Variants in SLC35A1 observed in about 807,000 individuals in gnomAD.
The protein encoded by SLC35A1 is CMP-sialic acid transporter.
SLC35A1 carries 21 observed loss-of-function variants against 40.3 expected under a neutral mutation model. That is an observed-to-expected ratio of 0.52 (90% CI 0.37 to 0.75). The LOEUF (loss-of-function observed/expected upper bound fraction) is 0.75. SLC35A1 is among the 30% of genes least tolerant of loss of function. SLC35A1 has a pLI of 0.00. For missense variants in SLC35A1, 297 were observed against 382.1 expected (o/e 0.78, Z 1.86); for synonymous variants, 146 against 147.3 (o/e 0.99, Z 0.06).
rs1582198765 is a variant in SLC35A1, at chr6:87,509,868, G to A, written c.886+693G>A. ...TAACATTTCAGGGTGCTTTTATAGT[G>A]TAATAATTTTCTTTACTGATCAATT... On this transcript the variant is annotated intron_variant, in intron 7 of 7. Coordinates refer to ENST00000369552, the MANE Select transcript of SLC35A1 (RefSeq NM_006416.5). Among the ~76,000 whole-genome samples the A allele has an allele frequency of 3.9e-5, 6 of 152,184 alleles. No homozygotes were observed. In the Middle Eastern group the frequency reaches 0.014, roughly 345 times the overall value.
rs549566985 is a variant in SLC35A1, at chr6:87,507,616, T to C, written c.575-804T>C. On this transcript the variant is annotated intron_variant, in intron 5 of 7. Transcript: ENST00000369552. Reference sequence around the variant, plus strand: ...CATCAAAAATAATCTTGTTTTTCGTTAGACTTTTTAGTTGATAAGTACTTC... The same window carrying C: ...CATCAAAAATAATCTTGTTTTTCGTCAGACTTTTTAGTTGATAAGTACTTC... Among the ~76,000 whole-genome samples the C allele has an allele frequency of 1.4e-4, 22 of 152,286 alleles. No individual in the cohort carries two copies. In the South Asian group the frequency reaches 3.7e-3, roughly 26 times the overall value.
rs184000337 is a variant in SLC35A1 at position 87,509,144 on chromosome 6, T to G, written c.855T>G (p.Ile285Met). 2.8e-5 allele frequency: 45 copies of G among 1,614,180 alleles called. No homozygotes were observed. Among genetic ancestry groups the G allele is most frequent in the Middle Eastern group, 3.3e-4 (2 of 6,062 alleles). The change falls in exon 7 of 8, where the codon ATT becomes ATG. Residue 285 changes from isoleucine (I) to methionine (M), a missense_variant. Coordinates refer to ENST00000369552, the MANE Select transcript of SLC35A1 (RefSeq NM_006416.5). ...CAGCGGCCATTGTCCTTTCCACCAT[T>G]GCTTCAGTAATGCTGTTTGGATTAC... ...SAAAAIVLST[I>M]ASVMLFGLQI...
chr6:87,505,517 CTT>C (rs1053623514), intron 4 of SLC35A1, among the ~76,000 whole-genome samples: 1 of 152,156 alleles, frequency 6.6e-6, no homozygotes, highest in Non-Finnish European at 1.5e-5. Context: ...TAGTATGTAT[CTT>C]AGTCCATTTT....
chr6:87,504,434 A>G (rs1397303596), intron 4 of SLC35A1, among the ~76,000 whole-genome samples: 1 of 152,186 alleles, frequency 6.6e-6, no homozygotes, highest in Admixed American at 6.5e-5. Flanking sequence ...AATTCAGTGA[A>G]GATGCCCTTA....
chr6:87,481,622 G>A (rs1769247822), intron 2 of SLC35A1, among the ~76,000 whole-genome samples: 1 of 152,020 alleles, frequency 6.6e-6, no homozygotes, highest in African/African-American at 2.4e-5. Flanking sequence ...TTATATTAGT[G>A]TATTATTAAT....
At chr6:87,499,273 T>C (rs1454377335) in intron 2 of SLC35A1, 1 of 201,334 alleles carries the variant, frequency 5.0e-6, no homozygotes, top group East Asian at 1.8e-4. Context: ...TTGATTCTAA[T>C]ATATTAACCA....
At chr6:87,500,775 T>A in intron 3 of SLC35A1, 108 bp downstream of exon 3, 2 of 1,048,320 alleles carry the variant, frequency 1.9e-6, no homozygotes, top group Non-Finnish European at 2.8e-6. Context: ...TGAGATGGAG[T>A]CTCGCTCTTT....
chr6:87,473,057 G>C, intron 1 of SLC35A1, 38 bp downstream of exon 1: 1 of 505,004 alleles, frequency 2.0e-6, no homozygotes, highest in Non-Finnish European at 3.3e-6. Flanking sequence ...GAGTCCGCGG[G>C]GGGCGGCGGC....
At chr6:87,480,071 C>T (rs1414598100) in intron 2 of SLC35A1, among the ~76,000 whole-genome samples, 3 of 152,212 alleles carry the variant, frequency 2.0e-5, no homozygotes, top group Non-Finnish European at 2.9e-5. Flanking sequence ...CACCATACAT[C>T]CGCTCAGGGA....
chr6:87,477,120 A>G (rs1212874082), intron 1 of SLC35A1, among the ~76,000 whole-genome samples: 1 of 152,120 alleles, frequency 6.6e-6, no homozygotes, highest in Admixed American at 6.5e-5. Context: ...GGCACTCCCT[A>G]GGAACAAAAC....
At chr6:87,500,366 C>A in intron 2 of SLC35A1, 142 bp from the exon 3 acceptor site, 1 of 808,272 alleles carries the variant, frequency 1.2e-6, no homozygotes, top group Non-Finnish European at 2.0e-6. Context: ...TTCTTTTAAT[C>A]TAAAACTAGT....
intron 2 of SLC35A1, among the ~76,000 whole-genome samples, chr6:87,496,949 T>C (rs1769750707): frequency 6.6e-6 from 1 of 152,134 alleles, no homozygotes; most frequent in Non-Finnish European, 1.5e-5. Flanking sequence ...CTAGCAGATA[T>C]ATTGCTCTTG....
chr6:87,489,534 GCTTT>G (rs1769481980), intron 2 of SLC35A1, among the ~76,000 whole-genome samples: 1 of 139,170 alleles, frequency 7.2e-6, no homozygotes, highest in South Asian at 2.3e-4. Context: ...TCAACTGTGA[GCTTT>G]TTTTTTTTTT....
At chr6:87,511,307 C>A in intron 7 of SLC35A1, 92 bp from the exon 8 acceptor site, 1 of 1,359,040 alleles carries the variant, frequency 7.4e-7, no homozygotes, top group Non-Finnish European at 1.0e-6. Flanking sequence ...ATAGTGTAAA[C>A]CCACAATTAA....
At chr6:87,486,958 C>T (rs904672225) in intron 2 of SLC35A1, among the ~76,000 whole-genome samples, 20 of 152,208 alleles carry the variant, frequency 1.3e-4, no homozygotes, top group Admixed American at 1.1e-3. Context: ...AGGTGGATCA[C>T]TTGAGGTCAG....
chr6:87,482,273 A>G (rs996001341), intron 2 of SLC35A1, among the ~76,000 whole-genome samples: 2 of 125,126 alleles, frequency 1.6e-5, no homozygotes, highest in African/African-American at 3.0e-5. Context: ...GATGATAACC[A>G]TTCTTTTCCA....
At chr6:87,508,799 C>A in intron 6 of SLC35A1, 2 of 703,144 alleles carry the variant, frequency 2.8e-6, no homozygotes, top group Non-Finnish European at 4.7e-6. Flanking sequence ...AAATATCTAA[C>A]ATTAGCAAAA....
intron 2 of SLC35A1, among the ~76,000 whole-genome samples, chr6:87,479,500 C>G (rs9450708): frequency 0.38 from 57,452 of 152,040 alleles, 10,910 homozygotes; most frequent in Admixed American, 0.46. Context: ...GTCATTTACC[C>G]CTGAGCTGCT....
chr6:87,473,112 C>G (rs902871090), intron 1 of SLC35A1, 93 bp downstream of exon 1: 5 of 414,034 alleles, frequency 1.2e-5, no homozygotes, highest in East Asian at 3.6e-5. Context: ...CAGCGGAGCA[C>G]CCTGGTTGCC....
Sources: allele counts gnomAD v4.1 joint callset (sites outside exome capture counted in the v4.1 genomes callset), GRCh38; gene constraint gnomAD v4.1.1; transcripts MANE v1.5; gene names NCBI Gene and HGNC (gene_info 2026-07-23, HGNC 2026-07-21).